The following RBM5 variants were observed in gnomAD, a reference collection of about 807,000 sequenced individuals.
The protein encoded by RBM5 is RNA-binding protein 5.
Under a neutral mutation model 124.6 loss-of-function variants are expected in RBM5, and 15 were observed. The ratio of observed to expected loss-of-function variants is 0.12; its 90% CI spans 0.08 to 0.19. The LOEUF (loss-of-function observed/expected upper bound fraction) is 0.19. Ranked by LOEUF, RBM5 falls within the 10% of genes least tolerant of loss-of-function variation. The probability of loss-of-function intolerance (pLI) is 1.00; values close to 1 mark genes in which losing one functional copy is unlikely to be tolerated. For missense variants in RBM5, 580 were observed against 1,026.5 expected (o/e 0.57, Z 5.94); for synonymous variants, 337 against 361.2 (o/e 0.93, Z 0.76).
Position 50,113,558 on chromosome 3 carries a change from C to G in RBM5, c.1617+14C>G, listed in dbSNP as rs1176551733. ...ACAGCCCAGCAGGTTAGAACATGACCCATATTTCTTTCATTGAGGTATTGG... is the reference window on the plus strand; with the variant it reads ...ACAGCCCAGCAGGTTAGAACATGACGCATATTTCTTTCATTGAGGTATTGG... On this transcript the variant is annotated intron_variant, in intron 18 of 24. Coordinates refer to ENST00000347869, the MANE Select transcript of RBM5 (RefSeq NM_005778.4). The G allele has an allele frequency of 6.3e-7, 1 of 1,598,274 alleles. No homozygotes were observed. Among genetic ancestry groups the G allele is most frequent in the Non-Finnish European group, 8.5e-7 (1 of 1,171,702 alleles).
intron 7 of RBM5, 28 bp downstream of exon 7, chr3:50,103,194 A>G (rs756542620): frequency 6.5e-7 from 1 of 1,533,090 alleles, no homozygotes; most frequent in Non-Finnish European, 9.0e-7. Flanking sequence ...CCAAATAGAC[A>G]AAACTCCTTT....
At chr3:50,091,614 C>T (rs1052427779) in intron 2 of RBM5, among the ~76,000 whole-genome samples, 1 of 152,048 alleles carries the variant, frequency 6.6e-6, no homozygotes, top group African/African-American at 2.4e-5. Context: ...GGCATGATAC[C>T]CTTGAGAGTA....
intron 8 of RBM5, 40 bp from the exon 9 acceptor site, chr3:50,105,037 A>G (rs2091003646): frequency 3.6e-6 from 5 of 1,380,116 alleles, no homozygotes; most frequent in South Asian, 2.4e-5. Flanking sequence ...GTGAAAATAC[A>G]TTAGTTGTTT....
At chr3:50,110,919 T>C (rs2091131580) in intron 17 of RBM5, 149 bp downstream of exon 17, 9 of 641,024 alleles carry the variant, frequency 1.4e-5, no homozygotes, top group Non-Finnish European at 2.1e-5. Context: ...AATTTTTATA[T>C]GGAGATTGTA....
chr3:50,096,726 G>A (rs2090824167), intron 4 of RBM5, among the ~76,000 whole-genome samples: 2 of 151,598 alleles, frequency 1.3e-5, no homozygotes, highest in African/African-American at 4.8e-5. Context: ...AAGTAGCTGG[G>A]ATTACAGGCA....
At position 50,117,164 on chromosome 3, in the gene RBM5, G is replaced by A. The variant is rs145873632; in HGVS notation, c.2185G>A (p.Gly729Ser). The A allele has an allele frequency of 6.1e-5, 99 of 1,614,158 alleles. No homozygotes were observed. The African/African-American group carries it at 6.3e-4, about 10-fold the overall frequency. ...CAAGCGCAAGAAGCAGTTTGATGCC[G>A]GCACTGTGTATGTGATGTGCACATT... The part of the protein sequence containing the change: ...EPKRKKQFDA[G>S]TVNYEQPTKD... The change falls in exon 23 of 25, where the codon GGC (glycine) becomes AGC (serine). Residue 729 changes from glycine (G) to serine (S), a missense_variant. Transcript: ENST00000347869. This position sits in a 1 kb window ranked among gnomAD's most constrained non-coding sequence, Gnocchi z 4.2.
At chr3:50,102,898 C>T (rs1482361125) in intron 6 of RBM5, 185 bp from the exon 7 acceptor site, 8 of 586,430 alleles carry the variant, frequency 1.4e-5, no homozygotes, top group South Asian at 2.0e-5. Context: ...CTTTACTCCG[C>T]ATCCCATTCT....
intron 15 of RBM5, 27 bp downstream of exon 15, chr3:50,109,715 C>T (rs2091107792): frequency 1.3e-6 from 2 of 1,587,394 alleles, no homozygotes; most frequent in Non-Finnish European, 1.7e-6. Flanking sequence ...ATATACAAAA[C>T]TCGTGGCTGA....
intron 16 of RBM5, 33 bp from the exon 17 acceptor site, chr3:50,110,646 G>A (rs1268925110): frequency 1.3e-6 from 2 of 1,571,294 alleles, no homozygotes; most frequent in East Asian, 2.2e-5. Flanking sequence ...TTTCTTACCT[G>A]GAATGACTGT....
chr3:50,097,429 T>C (rs2090842531), intron 4 of RBM5, among the ~76,000 whole-genome samples: 1 of 151,636 alleles, frequency 6.6e-6, no homozygotes, highest in Non-Finnish European at 1.5e-5. Context: ...CAAGTATTGA[T>C]TTGAGTGTTA....
chr3:50,106,660 A>T, intron 10 of RBM5, 107 bp from the exon 11 acceptor site: 1 of 758,294 alleles, frequency 1.3e-6, no homozygotes, highest in Non-Finnish European at 2.2e-6. Context: ...ATAAGGAATT[A>T]ATTGCCTTTT....
intron 11 of RBM5, 36 bp from the exon 12 acceptor site, chr3:50,107,446 T>G: frequency 6.7e-7 from 1 of 1,500,862 alleles, no homozygotes; most frequent in Non-Finnish European, 9.3e-7. Flanking sequence ...GGGAATACTG[T>G]GATAGAATCA....
At chr3:50,110,872 C>G (rs2301166) in intron 17 of RBM5, 102 bp downstream of exon 17, 470,613 of 903,706 alleles carry the variant, frequency 0.52, 129,035 homozygotes, top group East Asian at 0.85. Context: ...ATATATGACT[C>G]AGATTAGTTT....
chr3:50,111,595 G>A lies in RBM5; in HGVS notation c.1455+825G>A, dbSNP rs553784830. 4.1e-4 allele frequency among the ~76,000 whole-genome samples: 63 copies of A among 152,058 alleles called. No individual in the cohort carries two copies. In the South Asian group the frequency reaches 6.4e-3, roughly 16 times the overall value. On this transcript the variant is annotated intron_variant, in intron 17 of 24. Transcript: ENST00000347869. The stretch of plus-strand genomic sequence containing the variant: ...TCACCTTGTTTGCCAGGCTGGTCTC[G>A]AACTCCTGACCTTAAGTGATCCACC...
intron 3 of RBM5, chr3:50,092,665 A>G (rs1370331733): frequency 9.2e-6 from 4 of 436,908 alleles, no homozygotes; most frequent in African/African-American, 6.0e-5. Context: ...TCTCAGTACA[A>G]CCTGATAAGG....
intron 3 of RBM5, among the ~76,000 whole-genome samples, chr3:50,092,536 T>C (rs6808017): frequency 0.036 from 5,157 of 143,004 alleles, 321 homozygotes; most frequent in African/African-American, 0.13. Context: ...CTCTCCAGCA[T>C]GGGTGACAAA....
chr3:50,103,208 A>G, intron 7 of RBM5, 42 bp downstream of exon 7: 2 of 1,441,492 alleles, frequency 1.4e-6, no homozygotes, highest in African/African-American at 1.4e-5. Flanking sequence ...CTCCTTTAGG[A>G]TATTGCTGTT....
In RBM5 at chr3:50,110,706, A is replaced by T; in HGVS notation, c.1391A>T (p.Tyr464Phe). The change falls in exon 17 of 25, where the codon TAT (tyrosine) becomes TTT (phenylalanine). Residue 464 changes from tyrosine (Y) to phenylalanine (F), a missense_variant. By Grantham distance (22) the Tyr-to-Phe change is conservative (BLOSUM62 3). Coordinates refer to ENST00000347869, the MANE Select transcript of RBM5 (RefSeq NM_005778.4). ...YAVPDTSTYQ[Y>F]DESSGYYYDP... Reference sequence around the variant, plus strand: ...GTACCTGACACGTCCACTTACCAGTATGATGAATCTTCAGGATATTACTAT... The same window carrying T: ...GTACCTGACACGTCCACTTACCAGTTTGATGAATCTTCAGGATATTACTAT... 1 of 1,613,692 alleles carries T rather than the reference A, an allele frequency of 6.2e-7. No homozygotes were observed. Among genetic ancestry groups the T allele is most frequent in the Non-Finnish European group, 8.5e-7 (1 of 1,179,670 alleles).
intron 19 of RBM5, 24 bp downstream of exon 19, chr3:50,114,123 G>A (rs201701624): frequency 1.2e-4 from 189 of 1,614,044 alleles, no homozygotes; most frequent in Non-Finnish European, 1.6e-4. Flanking sequence ...TGGCCAGTAT[G>A]TCATGATGGG....
Sources: allele counts gnomAD v4.1 joint callset (sites outside exome capture counted in the v4.1 genomes callset), GRCh38; gene constraint gnomAD v4.1.1; non-coding constraint Gnocchi (gnomAD v3.1); transcripts MANE v1.5; gene names NCBI Gene and HGNC (gene_info 2026-07-23, HGNC 2026-07-21).